STARD3NL: variants seen among roughly 807,000 people sequenced by gnomAD.
STARD3NL encodes the protein STARD3 N-terminal-like protein.
A neutral mutation model predicts 30.9 loss-of-function variants in STARD3NL; 17 were observed. The ratio of observed to expected loss-of-function variants is 0.55; its 90% CI spans 0.38 to 0.82. STARD3NL has a LOEUF of 0.82. STARD3NL is among the 40% of genes least tolerant of loss of function. The probability of loss-of-function intolerance (pLI) is 0.00; values close to 1 mark genes in which losing one functional copy is unlikely to be tolerated. For missense variants in STARD3NL, 234 were observed against 277.6 expected (o/e 0.84, Z 1.12); for synonymous variants, 112 against 100.5 (o/e 1.11, Z -0.69).
chr7:38,193,985 G>C (rs1784801410), intron 1 of STARD3NL, among the ~76,000 whole-genome samples: 1 of 151,984 alleles, frequency 6.6e-6, no homozygotes. Context: ...TCAATATGTA[G>C]GATTTTGTCT....
At chr7:38,202,085 T>G (rs6462816) in intron 1 of STARD3NL, 126,125 of 152,286 alleles carry the variant, frequency 0.83, 52,398 homozygotes, top group African/African-American at 0.88. Context: ...ACTCCTAGAA[T>G]TCTGACAGGC....
intron 1 of STARD3NL, among the ~76,000 whole-genome samples, chr7:38,189,119 ATG>A (rs56335057): frequency 2.7e-5 from 4 of 150,380 alleles, no homozygotes; most frequent in Non-Finnish European, 4.5e-5. Flanking sequence ...GCAGCCTTGG[ATG>A]TGTGTGTGTG....
At chr7:38,221,987 C>G (rs1156334194) in intron 7 of STARD3NL, among the ~76,000 whole-genome samples, 1 of 152,176 alleles carries the variant, frequency 6.6e-6, no homozygotes, top group African/African-American at 2.4e-5. Flanking sequence ...TTAGAACATC[C>G]TTAGCATGTT....
chr7:38,208,314 T>G (rs1785606391), intron 2 of STARD3NL, among the ~76,000 whole-genome samples: 1 of 152,240 alleles, frequency 6.6e-6, no homozygotes, highest in Non-Finnish European at 1.5e-5. Flanking sequence ...AAGAGATTAC[T>G]TATTTATATT....
Position 38,215,079 on chromosome 7 carries a change from A to C in STARD3NL, c.355A>C (p.Arg119=). The C allele has an allele frequency of 6.2e-7, 1 of 1,614,010 alleles. No individual in the cohort carries two copies. ...GTTAATACTTGCATATGCTGTGTGC[A>C]GACTGCGCCATTGGTGGGCAATAGC... ...KVLILAYAVC[R]LRHWWAIALT... The change falls in exon 4 of 9, where the codon AGA becomes CGA. Residue 119 remains arginine (R), a synonymous_variant. Transcript: ENST00000009041.
intron 4 of STARD3NL, chr7:38,216,671 A>G (rs1218520993): frequency 1.3e-5 from 3 of 238,606 alleles, no homozygotes; most frequent in Non-Finnish European, 2.4e-5. Context: ...GGACTTCACA[A>G]CCCCTGGCGA....
In STARD3NL at chr7:38,217,193, C is replaced by G. The variant is rs1339281795; in HGVS notation, c.441C>G (p.Phe147Leu). 1.9e-6 allele frequency: 3 copies of G among 1,614,030 alleles called. No individual in the cohort carries two copies. The South Asian group carries it at 3.3e-5, about 18-fold the overall frequency. The change falls in exon 6 of 9, where the codon TTC becomes TTG. Residue 147 changes from phenylalanine (F) to leucine (L), a missense_variant. Physicochemically the swap from Phe to Leu is conservative, Grantham distance 22 (BLOSUM62 0). Coordinates refer to ENST00000009041, the MANE Select transcript of STARD3NL (RefSeq NM_032016.4). ...TTCCTGGTCGTATTTTCCAGCTTTT[C>G]TCTCAAGGGGCTTTTGGCTATGTGC... is the stretch of plus-strand genomic sequence containing the variant. ...LLAKVILSKLFSQGAFGYVLP... is the reference protein window; with the variant it reads ...LLAKVILSKLLSQGAFGYVLP...
rs78975846 is a variant in STARD3NL at position 38,225,413 on chromosome 7, T to A, written c.650-3386T>A. On this transcript the variant is annotated intron_variant, in intron 7 of 8. Transcript: ENST00000009041. ...TGTTCATATCTAAGAACTCTTTAAC[T>A]CTATGACATGAAGATTTTCTGCTAC... 3.5e-3 allele frequency among the ~76,000 whole-genome samples: 538 copies of A among 152,164 alleles called. 14 individuals carry two copies. In the East Asian group the frequency reaches 0.063, roughly 18 times the overall value.
At chr7:38,205,554 GTTAT>G (rs1389901968) in intron 1 of STARD3NL, among the ~76,000 whole-genome samples, 1 of 151,964 alleles carries the variant, frequency 6.6e-6, no homozygotes, top group African/African-American at 2.4e-5. Context: ...ATTCTAATTA[GTTAT>G]TTAGGTTGTT....
At position 38,207,497 on chromosome 7, in the gene STARD3NL, C is replaced by A; in HGVS notation, c.-8C>A. 1 of 1,613,322 alleles carries A rather than the reference C, an allele frequency of 6.2e-7. No individual in the cohort carries two copies. The highest frequency in any genetic ancestry group is 8.5e-7 in the Non-Finnish European group (1 of 1,179,492). The stretch of plus-strand genomic sequence containing the variant: ...GTTGGAAAAAGGCTCCTGTAACCCT[C>A]CTCCAGGATGAACCACCTGCCAGAA... On this transcript the variant is annotated 5_prime_UTR_variant, in exon 2 of 9. Transcript: ENST00000009041.
At chr7:38,183,504 A>G (rs1784329137) in intron 1 of STARD3NL, among the ~76,000 whole-genome samples, 1 of 152,174 alleles carries the variant, frequency 6.6e-6, no homozygotes, top group Non-Finnish European at 1.5e-5. Flanking sequence ...TTTGGGTTAG[A>G]TGGGTTCCTA....
At chr7:38,203,163 T>C (rs201305397) in intron 1 of STARD3NL, among the ~76,000 whole-genome samples, 2 of 152,010 alleles carry the variant, frequency 1.3e-5, no homozygotes, top group Admixed American at 6.6e-5. Context: ...AGAAGAGCAA[T>C]TCCAAGACAC....
At chr7:38,214,882 C>T in intron 3 of STARD3NL, 146 bp from the exon 4 acceptor site, 1 of 657,184 alleles carries the variant, frequency 1.5e-6, no homozygotes, top group Non-Finnish European at 2.6e-6. Context: ...AGCAGGGATT[C>T]CCAAATGCTG....
At chr7:38,218,206 A>G (rs958791571) in intron 6 of STARD3NL, among the ~76,000 whole-genome samples, 7 of 152,184 alleles carry the variant, frequency 4.6e-5, no homozygotes, top group African/African-American at 1.7e-4. Flanking sequence ...ATCTGGCTCA[A>G]TTTGCCCTGC....
chr7:38,180,048 A>G (rs1260766449), intron 1 of STARD3NL, among the ~76,000 whole-genome samples: 1 of 152,248 alleles, frequency 6.6e-6, no homozygotes, highest in Non-Finnish European at 1.5e-5. Context: ...GGATTGGATC[A>G]TCTTGTATCC....
At chr7:38,205,607 C>A (rs1785417573) in intron 1 of STARD3NL, among the ~76,000 whole-genome samples, 1 of 148,940 alleles carries the variant, frequency 6.7e-6, no homozygotes, top group South Asian at 2.1e-4. Flanking sequence ...ATGATAAAGT[C>A]TTTTAATATG....
chr7:38,203,601 A>G (rs529615529), intron 1 of STARD3NL, among the ~76,000 whole-genome samples: 2 of 152,338 alleles, frequency 1.3e-5, no homozygotes, highest in African/African-American at 2.4e-5. Context: ...TAACATCATA[A>G]TGACAGGATC....
In STARD3NL at chr7:38,207,436, A is replaced by G; in HGVS notation, c.-58-11A>G. On this transcript the variant is annotated splice_polypyrimidine_tract_variant and intron_variant, in intron 1 of 8. Coordinates refer to ENST00000009041, the MANE Select transcript of STARD3NL (RefSeq NM_032016.4). Reference sequence around the variant, plus strand: ...GGATTTAACATGGTGTCTCTTTTTTATTTCCCAAAGGTGTCTTCTCTTTAG... The same window carrying G: ...GGATTTAACATGGTGTCTCTTTTTTGTTTCCCAAAGGTGTCTTCTCTTTAG... 7.5e-7 allele frequency: 1 copy of G among 1,332,338 alleles called. No individual in the cohort carries two copies. The highest frequency in any genetic ancestry group is 1.0e-6 in the Non-Finnish European group (1 of 963,324). The allele number at this position is 1,332,338 out of a possible 1,614,324, so 82.5% of individuals were successfully genotyped here.
chr7:38,203,692 TA>T (rs1247544878), intron 1 of STARD3NL, among the ~76,000 whole-genome samples: 1 of 152,060 alleles, frequency 6.6e-6, no homozygotes, highest in South Asian at 2.1e-4. Flanking sequence ...GCAAATTGGA[TA>T]AAGAGTTAAG....
Sources: gnomAD v4.1 joint callset for allele counts (sites outside exome capture counted in the v4.1 genomes callset) on GRCh38, gnomAD v4.1.1 for gene constraint, MANE v1.5 for transcripts, NCBI Gene and HGNC (gene_info 2026-07-23, HGNC 2026-07-21) for gene names.